The following ZNF385D variants were observed in gnomAD, a reference collection of about 807,000 sequenced individuals.
ZNF385D encodes zinc finger protein 385D.
Under a neutral mutation model 35.8 loss-of-function variants are expected in ZNF385D, and 15 were observed. The observed-to-expected ratio is 0.42, with a 90% CI of 0.28 to 0.64. ZNF385D has a LOEUF of 0.64. ZNF385D is among the 30% of genes least tolerant of loss of function. The pLI is 0.23. For missense variants in ZNF385D, 474 were observed against 494.6 expected (o/e 0.96, Z 0.39); for synonymous variants, 212 against 186.8 (o/e 1.13, Z -1.10).
intron 3 of ZNF385D, among the ~76,000 whole-genome samples, chr3:22,128,932 G>A (rs565232687): frequency 4.6e-5 from 7 of 152,172 alleles, no homozygotes; most frequent in African/African-American, 1.7e-4. Flanking sequence ...TCTAATATTT[G>A]CAGTCTAGGC....
chr3:22,106,644 AC>A (rs1331682137), intron 3 of ZNF385D, among the ~76,000 whole-genome samples: 2 of 152,130 alleles, frequency 1.3e-5, no homozygotes, highest in African/African-American at 2.4e-5. Flanking sequence ...CAAGCCGTCA[AC>A]CTGAGGCCAG....
chr3:22,089,272 A>G (rs1463576), intron 3 of ZNF385D, among the ~76,000 whole-genome samples: 76,996 of 152,036 alleles, frequency 0.51, 19,620 homozygotes, highest in African/African-American at 0.53. Context: ...GCTTGGAAAA[A>G]TTATCTGTAA....
In ZNF385D at chr3:22,130,646, C is replaced by G. The variant is rs370723818; in HGVS notation, c.325+38171G>C. ...CTACATTTTCCTTCCCCCAAGAGCA[C>G]AGATTCTCTCTTCCCACACCATTTG... On this transcript the variant is annotated intron_variant, in intron 3 of 5. Coordinates refer to the ZNF385D transcript ENST00000494108. Among the ~76,000 whole-genome samples the G allele has an allele frequency of 7.2e-5, 11 of 152,156 alleles. No homozygotes were observed. In the East Asian group the frequency reaches 1.2e-3, roughly 16 times the overall value.
intron 2 of ZNF385D, among the ~76,000 whole-genome samples, chr3:22,215,544 G>T (rs567004111): frequency 5.3e-5 from 8 of 151,864 alleles, no homozygotes; most frequent in Non-Finnish European, 8.8e-5. Context: ...GGAAATTCCC[G>T]CCTAATAAAT....
chr3:21,796,084 T>C (rs754784221), intron 3 of ZNF385D, among the ~76,000 whole-genome samples: 19 of 152,244 alleles, frequency 1.2e-4, no homozygotes, highest in Non-Finnish European at 2.1e-4. Flanking sequence ...ATCTCGACAC[T>C]ATGAACAGTT....
chr3:21,683,162 A>C (rs2066970873), intron 1 of ZNF385D, among the ~76,000 whole-genome samples: 1 of 149,894 alleles, frequency 6.7e-6, no homozygotes, highest in Admixed American at 6.7e-5. Flanking sequence ...CAGAGAACAC[A>C]AATGATAAAC....
At chr3:21,517,441 T>C (rs1481391171) in intron 3 of ZNF385D, among the ~76,000 whole-genome samples, 1 of 152,202 alleles carries the variant, frequency 6.6e-6, no homozygotes, top group African/African-American at 2.4e-5. Flanking sequence ...CCCAAACCCA[T>C]GGCCAGCAAT....
intron 3 of ZNF385D, among the ~76,000 whole-genome samples, chr3:21,810,502 C>A (rs1575691702): frequency 6.6e-6 from 1 of 151,786 alleles, no homozygotes; most frequent in Non-Finnish European, 1.5e-5. Context: ...TGCACATGTA[C>A]CCTAGAACTT....
intron 1 of ZNF385D, among the ~76,000 whole-genome samples, chr3:21,743,039 T>C (rs2069594460): frequency 6.6e-6 from 1 of 152,186 alleles, no homozygotes; most frequent in Non-Finnish European, 1.5e-5. Context: ...GTGAGAAACA[T>C]TATTATATTA....
intron 3 of ZNF385D, among the ~76,000 whole-genome samples, chr3:21,869,817 T>C (rs1407560098): frequency 6.6e-6 from 1 of 152,112 alleles, no homozygotes; most frequent in African/African-American, 2.4e-5. Context: ...AGCATTTAAA[T>C]AAGCTTCTTG....
intron 1 of ZNF385D, among the ~76,000 whole-genome samples, chr3:21,675,559 G>A (rs34604888): frequency 0.72 from 109,879 of 151,974 alleles, 40,012 homozygotes; most frequent in Admixed American, 0.77. Context: ...TCTACATTTT[G>A]TTCAGAGATT....
chr3:22,359,238 T>C (rs373069073), intron 2 of ZNF385D, among the ~76,000 whole-genome samples: 15 of 151,784 alleles, frequency 9.9e-5, no homozygotes, highest in African/African-American at 3.6e-4. Context: ...ACACTGGAAT[T>C]GATTCGATTA....
At chr3:21,911,534 C>T (rs576019704) in intron 3 of ZNF385D, among the ~76,000 whole-genome samples, 1 of 151,810 alleles carries the variant, frequency 6.6e-6, no homozygotes, top group Non-Finnish European at 1.5e-5. Context: ...AGTATTTCAC[C>T]TCATAATGTT....
At chr3:21,781,618 T>C (rs1181556839) in intron 3 of ZNF385D, among the ~76,000 whole-genome samples, 1 of 152,068 alleles carries the variant, frequency 6.6e-6, no homozygotes, top group Non-Finnish European at 1.5e-5. Context: ...ATACCTCATA[T>C]AAAATCAGGC....
chr3:21,979,845 C>T, intron 3 of ZNF385D: 1 of 152,170 alleles, frequency 6.6e-6, no homozygotes, highest in Admixed American at 6.6e-5. Context: ...GAGCATTAGT[C>T]ACGTATGTTT....
At chr3:21,668,972 G>A (rs950652577) in intron 1 of ZNF385D, among the ~76,000 whole-genome samples, 5 of 152,124 alleles carry the variant, frequency 3.3e-5, no homozygotes, top group Non-Finnish European at 7.4e-5. Flanking sequence ...AGAAAGTTTT[G>A]TTCTTAATGT....
intron 3 of ZNF385D, among the ~76,000 whole-genome samples, chr3:21,997,476 T>C (rs1303447229): frequency 6.6e-6 from 1 of 151,944 alleles, no homozygotes; most frequent in Non-Finnish European, 1.5e-5. Flanking sequence ...TGTGCACATG[T>C]ACCCTAGAAC....
intron 3 of ZNF385D, among the ~76,000 whole-genome samples, chr3:22,106,138 T>C (rs753650270): frequency 3.5e-4 from 53 of 152,086 alleles, no homozygotes; most frequent in Non-Finnish European, 6.8e-4. Flanking sequence ...GCCCAGGTAT[T>C]TGTGGCTCCA....
At chr3:22,030,412 A>C (rs1276566471) in intron 3 of ZNF385D, among the ~76,000 whole-genome samples, 3 of 149,966 alleles carry the variant, frequency 2.0e-5, no homozygotes, top group African/African-American at 4.9e-5. Context: ...GTGAAAGTCA[A>C]GGGATAAGCA....
Sources: gnomAD v4.1 joint callset for allele counts (sites outside exome capture counted in the v4.1 genomes callset) on GRCh38, gnomAD v4.1.1 for gene constraint, MANE v1.5 for transcripts, NCBI Gene and HGNC (gene_info 2026-07-23, HGNC 2026-07-21) for gene names.